Variants in TFR2 observed in about 807,000 individuals in gnomAD.
TFR2 encodes the protein transferrin receptor 2.
In TFR2, 64 loss-of-function variants were observed where a neutral mutation model predicts 91.9. The observed-to-expected ratio is 0.70, with a 90% CI of 0.57 to 0.86. The LOEUF (loss-of-function observed/expected upper bound fraction) is 0.86. Among genes scored for constraint, TFR2 ranks in the 40% least tolerant of loss-of-function variants. The pLI, the probability that TFR2 is intolerant of heterozygous loss-of-function variation, is 0.00. For missense variants in TFR2, 950 were observed against 1,080.5 expected, an observed-to-expected ratio of 0.88 and a Z score of 1.69; for synonymous variants, 454 against 459.6, an observed-to-expected ratio of 0.99 and a Z score of 0.15.
At chr7:100,628,035 A>G (rs1362539727) in intron 12 of TFR2, 38 bp downstream of exon 12, 7 of 1,613,750 alleles carry the variant, frequency 4.3e-6, no homozygotes, top group Non-Finnish European at 5.1e-6. Flanking sequence ...GCAAGGGTGG[A>G]CCCCAGGGGG....
intron 7 of TFR2, 60 bp from the exon 8 acceptor site, chr7:100,632,005 A>G: frequency 6.2e-7 from 1 of 1,613,990 alleles, no homozygotes; most frequent in Non-Finnish European, 8.5e-7. Context: ...AAAACGAAAA[A>G]CATGCCAGCC....
chr7:100,640,655 C>A, intron 3 of TFR2, 31 bp downstream of exon 3: 1 of 1,606,192 alleles, frequency 6.2e-7, no homozygotes. Context: ...GAGGGACACT[C>A]GAGAACAGGA....
intron 3 of TFR2, among the ~76,000 whole-genome samples, chr7:100,638,220 G>T (rs1368686577): frequency 6.6e-6 from 1 of 151,916 alleles, no homozygotes. Flanking sequence ...AGCCAGGATA[G>T]TCTCGATCTC....
chr7:100,627,171 A>T, intron 16 of TFR2, 93 bp downstream of exon 16: 1 of 1,407,662 alleles, frequency 7.1e-7, no homozygotes, highest in East Asian at 2.5e-5. Context: ...GAGGACCTAG[A>T]CCCCAGGGAA....
chr7:100,621,728 C>A (rs1450475856), intron 17 of TFR2, among the ~76,000 whole-genome samples: 1 of 152,174 alleles, frequency 6.6e-6, no homozygotes, highest in Non-Finnish European at 1.5e-5. Flanking sequence ...ATGTCCACAG[C>A]CCAGAGACGA....
Position 100,629,327 on chromosome 7 carries a change from C to T in TFR2, c.1316G>A (p.Gly439Glu). Residue 439 changes from glycine (G) to glutamate (E), a missense_variant, in exon 10 of 18, where the codon GGA becomes GAA. Transcript: ENST00000223051. The part of the protein sequence containing the change: ...IGAQRDAWGP[G>E]AAKSAVGTAI... ...CGTCCCCACAGCGGATTTAGCTGCT[C>T]CTGGGCCCCATGCATCCCTCTGGGC... 1.2e-6 allele frequency: 2 copies of T among 1,614,134 alleles called. No homozygotes were observed. The highest frequency in any genetic ancestry group is 1.7e-5 in the Admixed American group (1 of 60,020).
intron 3 of TFR2, among the ~76,000 whole-genome samples, chr7:100,635,572 A>G (rs908332949): frequency 5.9e-5 from 9 of 151,920 alleles, no homozygotes; most frequent in African/African-American, 1.7e-4. Flanking sequence ...CAGCCTCCCA[A>G]GTAGCTGGGA....
intron 17 of TFR2, chr7:100,626,357 A>G: frequency 1.4e-6 from 1 of 723,514 alleles, no homozygotes; most frequent in Non-Finnish European, 1.7e-6. Flanking sequence ...TACTCTGAAT[A>G]TCTTTAGCCT....
intron 16 of TFR2, 85 bp from the exon 17 acceptor site, chr7:100,626,988 G>T: frequency 6.8e-7 from 1 of 1,472,552 alleles, no homozygotes. Flanking sequence ...CGCCTAGCAT[G>T]GGGAAGGGGG....
chr7:100,627,183 G>A (rs986581032), intron 16 of TFR2, 81 bp downstream of exon 16: 9 of 1,443,330 alleles, frequency 6.2e-6, no homozygotes, highest in African/African-American at 1.4e-5. Context: ...CCCAGGGAAT[G>A]CAGAGAGAAG....
rs141968146 is a variant in TFR2 at position 100,641,127 on chromosome 7, C to T, written c.135G>A (p.Ala45=). 1,247 of 1,568,438 alleles carry T rather than the reference C, an allele frequency of 8.0e-4. 11 individuals are homozygous for T. In the African/African-American group the frequency reaches 0.015, roughly 19 times the overall value. Residue 45 remains alanine, a synonymous_variant, in exon 2 of 18, where the codon GCG becomes GCA. Coordinates refer to ENST00000223051, the MANE Select transcript of TFR2 (RefSeq NM_003227.4). The part of the protein sequence containing the change: ...EEEEEDGEEG[A]ETLAHFCPME... Reference sequence around the variant, plus strand: ...TGGGGCAGAAGTGGGCCAATGTCTCCGCCCCCTCCTCCCCGTCTTCCTCTT... The same window carrying T: ...TGGGGCAGAAGTGGGCCAATGTCTCTGCCCCCTCCTCCCCGTCTTCCTCTT...
At position 100,633,013 on chromosome 7, in the gene TFR2, G is replaced by A; in HGVS notation, c.837C>T (p.Ser279=). 1 of 1,613,766 alleles carries A rather than the reference G, an allele frequency of 6.2e-7. No homozygotes were observed. ...CAGGGACACTTACCTTCTGGGCGAA[G>A]CTGATCACCCCCACGCGCACCAGCA... ...RLLLVRVGVI[S]FAQKVTNAQD... Residue 279 remains serine, a synonymous_variant, in exon 6 of 18, where the codon AGC becomes AGT. Coordinates refer to ENST00000223051, the MANE Select transcript of TFR2 (RefSeq NM_003227.4).
chr7:100,632,659 C>G (rs1340395307), intron 6 of TFR2: 2 of 350,966 alleles, frequency 5.7e-6, no homozygotes, highest in African/African-American at 4.4e-5. Context: ...AAGCGATCCT[C>G]CCACCGGAGC....
rs762553931 is a variant in TFR2 at position 100,633,090 on chromosome 7, C to T, written c.760G>A (p.Glu254Lys). 4 of 1,613,374 alleles carry T rather than the reference C, an allele frequency of 2.5e-6. No homozygotes were observed. Among genetic ancestry groups the T allele is most frequent in the Non-Finnish European group, 3.4e-6 (4 of 1,179,928 alleles). ...ELVYAHYGRP[E>K]DLQDLRARGV... ...CTGGCCCGCAGGTCCTGCAGGTCTT[C>T]GGGCCGCCCGTAGTGGGCGTACACC... Residue 254 changes from glutamate to lysine, a missense_variant, in exon 6 of 18, where the codon GAA (glutamate) becomes AAA (lysine). Coordinates refer to ENST00000223051, the MANE Select transcript of TFR2 (RefSeq NM_003227.4).
chr7:100,631,442 C>G (rs1002908623), intron 8 of TFR2: 9 of 254,230 alleles, frequency 3.5e-5, no homozygotes, highest in African/African-American at 2.1e-4. Flanking sequence ...GTCTGGCCAA[C>G]ATGGTGAAAC....
At chr7:100,627,702 C>T (rs973805993) in intron 14 of TFR2, 41 bp from the exon 15 acceptor site, 1 of 1,613,754 alleles carries the variant, frequency 6.2e-7, no homozygotes, top group Non-Finnish European at 8.5e-7. Flanking sequence ...GGTTCAGGCT[C>T]CCCCACATCC....
intron 8 of TFR2, among the ~76,000 whole-genome samples, chr7:100,631,310 T>C (rs933024879): frequency 6.9e-6 from 1 of 145,680 alleles, no homozygotes; most frequent in Non-Finnish European, 1.5e-5. Context: ...AGTCACTTTT[T>C]TTTTTTTTTT....
intron 17 of TFR2, among the ~76,000 whole-genome samples, chr7:100,625,862 G>T (rs1054958276): frequency 4.6e-5 from 7 of 152,176 alleles, no homozygotes; most frequent in Admixed American, 1.3e-4. Flanking sequence ...TCTAGTCTGG[G>T]CAAGGGAGAA....
chr7:100,626,628 G>A, intron 17 of TFR2, 135 bp downstream of exon 17: 1 of 1,475,630 alleles, frequency 6.8e-7, no homozygotes, highest in East Asian at 2.5e-5. Context: ...CCAGGACTGG[G>A]AAGAGAGCAT....
Sources: gnomAD v4.1 joint callset for allele counts (sites outside exome capture counted in the v4.1 genomes callset) on GRCh38, gnomAD v4.1.1 for gene constraint, MANE v1.5 for transcripts, NCBI Gene and HGNC (gene_info 2026-07-23, HGNC 2026-07-21) for gene names.